Variants in RFC2 observed in about 807,000 individuals in gnomAD.
RFC2 encodes the protein A1 40 kDa subunit.
A neutral mutation model predicts 44.8 loss-of-function variants in RFC2; 34 were observed. The ratio of observed to expected loss-of-function variants is 0.76; its 90% CI spans 0.58 to 1.01. The LOEUF is 1.01. RFC2 is among the 50% of genes least tolerant of loss of function. RFC2 has a pLI of 0.00. For missense variants in RFC2, 400 were observed against 453.6 expected, an observed-to-expected ratio of 0.88 and a Z score of 1.07; for synonymous variants, 177 against 168.9, an observed-to-expected ratio of 1.05 and a Z score of -0.37.
In RFC2 at chr7:74,252,598, TACATTC is replaced by T; in HGVS notation, c.114-106_114-101del. ...CTGAGAGCTTTGTTAAAAAATTACATACATTCAGTACAACTATGCCAAATGGTTGCA... is the reference window on the plus strand; with the variant it reads ...CTGAGAGCTTTGTTAAAAAATTACATAGTACAACTATGCCAAATGGTTGCA... On this transcript the variant is annotated intron_variant, in intron 1 of 10. Transcript: ENST00000055077. The T allele has an allele frequency of 4.0e-6, 3 of 749,314 alleles. No individual in the cohort carries two copies. The Admixed American group carries it at 5.8e-5, about 14-fold the overall frequency. The allele number at this position is 749,314 out of a possible 1,614,324, so 46.4% of individuals were successfully genotyped here.
At chr7:74,244,129 G>A (rs1304263774) in intron 5 of RFC2, among the ~76,000 whole-genome samples, 6 of 149,776 alleles carry the variant, frequency 4.0e-5, no homozygotes, top group Admixed American at 2.0e-4. Flanking sequence ...TTGTCTGGGC[G>A]TGGTGGCGCA....
At chr7:74,251,205 C>T (rs1354956233) in intron 2 of RFC2, among the ~76,000 whole-genome samples, 1 of 152,114 alleles carries the variant, frequency 6.6e-6, no homozygotes, top group Non-Finnish European at 1.5e-5. Flanking sequence ...GGCTAGAGTG[C>T]AGTGGCGTGA....
intron 6 of RFC2, 143 bp from the exon 7 acceptor site, chr7:74,240,238 C>G (rs1395220154): frequency 1.5e-6 from 1 of 679,898 alleles, no homozygotes; most frequent in African/African-American, 1.8e-5. Flanking sequence ...CACGAGGGCT[C>G]ACGCCTGAAT....
intron 9 of RFC2, among the ~76,000 whole-genome samples, chr7:74,236,104 A>C (rs1803000353): frequency 1.3e-5 from 2 of 152,194 alleles, no homozygotes; most frequent in Non-Finnish European, 2.9e-5. Flanking sequence ...TGCTAGCTTC[A>C]TCCAGCTGCA....
At chr7:74,248,554 C>A (rs1803755616) in intron 4 of RFC2, among the ~76,000 whole-genome samples, 1 of 151,194 alleles carries the variant, frequency 6.6e-6, no homozygotes, top group Admixed American at 6.6e-5. Flanking sequence ...GGCTGGAGTG[C>A]TCAACGGTGC....
In RFC2 at chr7:74,252,459, G is replaced by A. The variant is rs376958207; in HGVS notation, c.153C>T (p.Val51=). 1.2e-5 allele frequency: 19 copies of A among 1,604,888 alleles called. No individual in the cohort carries two copies. In the Admixed American group the frequency reaches 1.3e-4, roughly 11 times the overall value. The stretch of plus-strand genomic sequence containing the variant: ...GCCTGCTCACGGTGTCTTCATTCCC[G>A]ACAATTTCATTCAGCTTTACTGGCC... ...KYRPVKLNEI[V]GNEDTVSRLE... The change falls in exon 2 of 11, where the codon GTC becomes GTT. Residue 51 remains valine, a synonymous_variant. Coordinates refer to ENST00000055077, the MANE Select transcript of RFC2 (RefSeq NM_181471.3).
chr7:74,247,458 G>A (rs1584261239), intron 4 of RFC2, among the ~76,000 whole-genome samples: 2 of 152,242 alleles, frequency 1.3e-5, no homozygotes, highest in East Asian at 3.9e-4. Context: ...TGGCCAACAC[G>A]GCGAAAATCC....
chr7:74,252,498 C>A lies in RFC2; in HGVS notation c.114G>T (p.Trp38Cys). ...PGSAGHYELP[W>C]VEKYRPVKLN... ...GCTTTACTGGCCTATATTTTTCAAC[C>A]CTGTTAAGAAAATGCATAAAAATGC... Residue 38 changes from tryptophan (W) to cysteine (C), a missense_variant and splice_region_variant, in exon 2 of 11, where the codon TGG (tryptophan) becomes TGT (cysteine). By Grantham distance (215) the Trp-to-Cys change is radical. Transcript: ENST00000055077. 2 of 1,587,632 alleles carry A rather than the reference C, an allele frequency of 1.3e-6. No individual in the cohort carries two copies. The highest frequency in any genetic ancestry group is 1.7e-5 in the Admixed American group (1 of 59,940).
At chr7:74,240,862 G>A (rs1554719201) in intron 6 of RFC2, among the ~76,000 whole-genome samples, 1 of 152,144 alleles carries the variant, frequency 6.6e-6, no homozygotes, top group Non-Finnish European at 1.5e-5. Context: ...CTGGCCTCAA[G>A]TAGTCTTCCT....
At chr7:74,235,278 C>T (rs533840826) in intron 10 of RFC2, among the ~76,000 whole-genome samples, 142 of 152,356 alleles carry the variant, frequency 9.3e-4, no homozygotes, top group Non-Finnish European at 1.8e-3. Context: ...CTCAGGTGAT[C>T]CGCCCACCTC....
At chr7:74,235,500 G>T in intron 10 of RFC2, 32 bp downstream of exon 10, 2 of 1,361,232 alleles carry the variant, frequency 1.5e-6, no homozygotes, top group Non-Finnish European at 2.1e-6. Flanking sequence ...CCACATTCTT[G>T]AGGACAGAGG....
rs951914310 is a variant in RFC2, at chr7:74,238,843, A to C, written c.759+80T>G. On this transcript the variant is annotated intron_variant, in intron 8 of 10. Coordinates refer to ENST00000055077, the MANE Select transcript of RFC2 (RefSeq NM_181471.3). This position sits in a 1 kb window ranked among gnomAD's most constrained non-coding sequence, Gnocchi z 4.0. ...CAGCTAGATGTCCGTCCCCACTGCC[A>C]GCCCAGCCCTTCAGCCCCACTGGCC... 36 of 1,182,480 alleles carry C rather than the reference A, an allele frequency of 3.0e-5. No homozygotes were observed. The South Asian group carries it at 4.4e-4, about 15-fold the overall frequency. The allele number at this position is 1,182,480 out of a possible 1,614,324, so 73.2% of individuals were successfully genotyped here.
chr7:74,249,411 G>A (rs1554720648), intron 3 of RFC2, among the ~76,000 whole-genome samples: 1 of 152,078 alleles, frequency 6.6e-6, no homozygotes, highest in Non-Finnish European at 1.5e-5. Flanking sequence ...CGTGATGGCA[G>A]GCACCTGTAA....
chr7:74,232,270 A>T, intron 10 of RFC2, 54 bp from the exon 11 acceptor site: 1 of 952,332 alleles, frequency 1.1e-6, no homozygotes, highest in South Asian at 1.4e-5. Flanking sequence ...GTTCTTTTTT[A>T]AAATCTGAAC....
At chr7:74,248,578 T>C (rs562031900) in intron 4 of RFC2, among the ~76,000 whole-genome samples, 1 of 151,906 alleles carries the variant, frequency 6.6e-6, no homozygotes, top group African/African-American at 2.4e-5. Flanking sequence ...CTCAGCTCAC[T>C]GTAACCTCCT....
intron 1 of RFC2, among the ~76,000 whole-genome samples, chr7:74,253,967 C>T (rs1220845571): frequency 1.3e-5 from 2 of 152,154 alleles, no homozygotes; most frequent in Non-Finnish European, 2.9e-5. Flanking sequence ...AACACTAGGT[C>T]ATACACTACT....
intron 3 of RFC2, 68 bp from the exon 4 acceptor site, chr7:74,249,186 T>C (rs782685842): frequency 1.9e-6 from 3 of 1,607,912 alleles, no homozygotes; most frequent in South Asian, 2.2e-5. Flanking sequence ...TTGAGTTATG[T>C]TCACTGCTGT....
rs1554716995 is a variant in RFC2, at chr7:74,231,509, C to CA, written c.*596dup. 6.6e-6 allele frequency: 1 copy of CA among 152,194 alleles called. No homozygotes were observed. Among genetic ancestry groups the CA allele is most frequent in the East Asian group, 1.9e-4 (1 of 5,190 alleles). The allele number at this position is 152,194 out of a possible 1,614,324, so 9.4% of individuals were successfully genotyped here. ...CTTCACATGGTCACCTTATTGCCAACAAACACTGCAAGGCTTTATTAGCTA... is the reference window on the plus strand; with the variant it reads ...CTTCACATGGTCACCTTATTGCCAACAAAACACTGCAAGGCTTTATTAGCTA... On this transcript the variant is annotated 3_prime_UTR_variant, in exon 11 of 11. Coordinates refer to ENST00000055077, the MANE Select transcript of RFC2 (RefSeq NM_181471.3).
chr7:74,249,565 A>T (rs982075361), intron 3 of RFC2, among the ~76,000 whole-genome samples, 174 bp downstream of exon 3: 4 of 150,932 alleles, frequency 2.7e-5, no homozygotes, highest in East Asian at 1.9e-4. Context: ...ATAAATAAAT[A>T]AAAAAAAATA....
Sources: allele counts gnomAD v4.1 joint callset (sites outside exome capture counted in the v4.1 genomes callset), GRCh38; gene constraint gnomAD v4.1.1; non-coding constraint Gnocchi (gnomAD v3.1); transcripts MANE v1.5; gene names NCBI Gene and HGNC (gene_info 2026-07-23, HGNC 2026-07-21).